NEURL1: variants seen among roughly 807,000 people sequenced by gnomAD.
NEURL1 encodes E3 ubiquitin-protein ligase NEURL1.
NEURL1 carries 26 observed loss-of-function variants against 41.2 expected under a neutral mutation model. The observed-to-expected ratio is 0.63, with a 90% CI of 0.46 to 0.87. NEURL1 has a LOEUF of 0.87. Ranked by LOEUF, NEURL1 falls within the 40% of genes least tolerant of loss-of-function variation. The pLI is 0.00. For missense variants in NEURL1, 761 were observed against 871.1 expected, an observed-to-expected ratio of 0.87 and a Z score of 1.59; for synonymous variants, 400 against 402.3, an observed-to-expected ratio of 0.99 and a Z score of 0.07.
intron 1 of NEURL1, among the ~76,000 whole-genome samples, chr10:103,544,703 G>A (rs2034891356): frequency 6.6e-6 from 1 of 152,206 alleles, no homozygotes; most frequent in African/African-American, 2.4e-5. Flanking sequence ...AGAGGGAATT[G>A]GGCTTGGCTA....
chr10:103,584,761 G>A lies in NEURL1; in HGVS notation c.875G>A (p.Gly292Asp). Reference sequence around the variant, plus strand: ...CGCGCGCTGCCGGCGCAGCTCGACGGCGACCTGCGTTTCCACGCCCTGCGC... The same window carrying A: ...CGCGCGCTGCCGGCGCAGCTCGACGACGACCTGCGTTTCCACGCCCTGCGC... ...HSRALPAQLD[G>D]DLRFHALRAG... Residue 292 changes from glycine to aspartate, a missense_variant, in exon 4 of 6, where the codon GGC (glycine) becomes GAC (aspartate). By Grantham distance (94) the Gly-to-Asp change is moderately conservative. Coordinates refer to ENST00000369780, the MANE Select transcript of NEURL1 (RefSeq NM_004210.5). 6.9e-7 allele frequency: 1 copy of A among 1,455,478 alleles called. No homozygotes were observed. The highest frequency in any genetic ancestry group is 9.0e-7 in the Non-Finnish European group (1 of 1,108,272). 90.2% of individuals were successfully genotyped at this position (1,455,478 alleles called of 1,614,324 possible).
chr10:103,548,615 G>A (rs1192371593), intron 1 of NEURL1, among the ~76,000 whole-genome samples: 2 of 152,242 alleles, frequency 1.3e-5, no homozygotes, highest in Non-Finnish European at 2.9e-5. Flanking sequence ...GAGCCACCAC[G>A]CCTGGCTGTA....
rs2035162613 is a variant in NEURL1 at position 103,556,689 on chromosome 10, G to A, written c.86-14183G>A. ...AATGAATTCCGTCCTGGGTTTGGAG[G>A]GCTAAGTGACAGATGGAAGGCCCTG... is the stretch of plus-strand genomic sequence containing the variant. On this transcript the variant is annotated intron_variant, in intron 1 of 5. Transcript: ENST00000369780. This position sits in a 1 kb window ranked among gnomAD's most constrained non-coding sequence, Gnocchi z 4.4. Among the ~76,000 whole-genome samples, 1 of 152,206 alleles carries A rather than the reference G, an allele frequency of 6.6e-6. No individual in the cohort carries two copies. Among genetic ancestry groups the A allele is most frequent in the Non-Finnish European group, 1.5e-5 (1 of 68,038 alleles).
intron 3 of NEURL1, among the ~76,000 whole-genome samples, chr10:103,579,802 C>T (rs923957322): frequency 4.6e-5 from 7 of 152,122 alleles, no homozygotes; most frequent in South Asian, 4.2e-4. Context: ...ATTAGCCAGG[C>T]GTGGTGGTGT....
chr10:103,542,631 T>G (rs1564815976), intron 1 of NEURL1, among the ~76,000 whole-genome samples: 2 of 152,186 alleles, frequency 1.3e-5, no homozygotes, highest in Non-Finnish European at 2.9e-5. Flanking sequence ...GCTGTTGTCT[T>G]GGGGTGGTGT....
chr10:103,536,638 G>A (rs1228376265), intron 1 of NEURL1, among the ~76,000 whole-genome samples: 2 of 152,058 alleles, frequency 1.3e-5, no homozygotes, highest in Non-Finnish European at 2.9e-5. Context: ...AGCACTAGCG[G>A]GTTCCAGTCT....
chr10:103,584,845 G>T lies in NEURL1; in HGVS notation c.959G>T (p.Arg320Leu). 7.1e-7 allele frequency: 1 copy of T among 1,408,240 alleles called. No individual in the cohort carries two copies. The highest frequency in any genetic ancestry group is 9.2e-7 in the Non-Finnish European group (1 of 1,090,560). 87.2% of individuals were successfully genotyped at this position (1,408,240 alleles called of 1,614,324 possible). ...EQTVARVEHG[R>L]DERALVFTSR... is the part of the protein sequence containing the mutation. The stretch of plus-strand genomic sequence containing the variant: ...ACGGTGGCGCGCGTGGAGCACGGGC[G>T]CGACGAGCGCGCGCTCGTCTTCACC... The change falls in exon 4 of 6, where the codon CGC (arginine) becomes CTC (leucine). Residue 320 changes from arginine to leucine, a missense_variant. Arg to Leu is a moderately radical substitution (Grantham distance 102). Coordinates refer to ENST00000369780, the MANE Select transcript of NEURL1 (RefSeq NM_004210.5).
chr10:103,558,166 C>A lies in NEURL1; in HGVS notation c.86-12706C>A. The A allele has an allele frequency of 1.0e-6, 1 of 985,410 alleles. No homozygotes were observed. The allele number at this position is 985,410 out of a possible 1,614,324, so 61.0% of individuals were successfully genotyped here. On this transcript the variant is annotated intron_variant, in intron 1 of 5. Coordinates refer to ENST00000369780, the MANE Select transcript of NEURL1 (RefSeq NM_004210.5). This position sits in a 1 kb window ranked among gnomAD's most constrained non-coding sequence, Gnocchi z 4.2. Reference sequence around the variant, plus strand: ...GTGCTGGGTTTACAGGTGTGAGCCACCGCGCTTGGCTGATTGTATTTTCTT... The same window carrying A: ...GTGCTGGGTTTACAGGTGTGAGCCAACGCGCTTGGCTGATTGTATTTTCTT...
intron 1 of NEURL1, among the ~76,000 whole-genome samples, chr10:103,503,883 G>A (rs1387069444): frequency 9.8e-5 from 13 of 132,442 alleles, no homozygotes; most frequent in South Asian, 2.7e-4. Flanking sequence ...CTCACCCCCC[G>A]GGCTCAATGG....
At chr10:103,583,359 G>A (rs1181086178) in intron 3 of NEURL1, among the ~76,000 whole-genome samples, 1 of 152,086 alleles carries the variant, frequency 6.6e-6, no homozygotes, top group Admixed American at 6.5e-5. Context: ...TCAAAGTGAT[G>A]TAGTACATAT....
intron 1 of NEURL1, among the ~76,000 whole-genome samples, chr10:103,547,480 G>T (rs2034946503): frequency 6.6e-6 from 1 of 152,244 alleles, no homozygotes; most frequent in Non-Finnish European, 1.5e-5. Flanking sequence ...AGCAGAAGTG[G>T]AGGCCAAGTC....
At chr10:103,560,821 G>T (rs191735862) in intron 1 of NEURL1, among the ~76,000 whole-genome samples, 3 of 152,364 alleles carry the variant, frequency 2.0e-5, no homozygotes, top group African/African-American at 7.2e-5. Flanking sequence ...CCTTGGGCAA[G>T]TTATTGCCTC....
intron 1 of NEURL1, among the ~76,000 whole-genome samples, chr10:103,544,085 C>A (rs1220748389): frequency 1.3e-5 from 2 of 152,070 alleles, no homozygotes; most frequent in Non-Finnish European, 2.9e-5. Flanking sequence ...GGCAGCCCTG[C>A]AGAGGGGGAC....
At chr10:103,584,175 T>C (rs1592242089) in intron 3 of NEURL1, among the ~76,000 whole-genome samples, 1 of 152,312 alleles carries the variant, frequency 6.6e-6, no homozygotes, top group Non-Finnish European at 1.5e-5. Flanking sequence ...CTGTTCTAGC[T>C]GCTAGGGATA....
At chr10:103,501,885 C>T (rs1458220594) in intron 1 of NEURL1, among the ~76,000 whole-genome samples, 3 of 152,214 alleles carry the variant, frequency 2.0e-5, no homozygotes, top group South Asian at 2.1e-4. Flanking sequence ...CTGCCCGTCT[C>T]GGCCTCCCAA....
intron 1 of NEURL1, among the ~76,000 whole-genome samples, chr10:103,525,458 A>G (rs1000426272): frequency 8.0e-5 from 12 of 149,798 alleles, no homozygotes; most frequent in Non-Finnish European, 1.2e-4. Context: ...GGTTCAAGCC[A>G]TTCTCCTGCC....
chr10:103,526,882 T>C (rs2034470288), intron 1 of NEURL1, among the ~76,000 whole-genome samples: 1 of 152,060 alleles, frequency 6.6e-6, no homozygotes, highest in African/African-American at 2.4e-5. Context: ...TGTGTATAGT[T>C]GTTTGTAATA....
intron 1 of NEURL1, among the ~76,000 whole-genome samples, chr10:103,533,400 A>T (rs1372591486): frequency 1.5e-5 from 2 of 137,168 alleles, no homozygotes. Flanking sequence ...ATGGAGTTTC[A>T]CTCTTGTTGC....
In NEURL1 at chr10:103,590,446, T is replaced by C; in HGVS notation, c.*74T>C. 7.8e-7 allele frequency: 1 copy of C among 1,281,310 alleles called. No homozygotes were observed. Among genetic ancestry groups the C allele is most frequent in the East Asian group, 2.3e-5 (1 of 42,908 alleles). 79.4% of individuals were successfully genotyped at this position (1,281,310 alleles called of 1,614,324 possible). A position where few individuals can be genotyped will look rare whatever the true frequency, so the allele number is the denominator to read the frequency against. On this transcript the variant is annotated 3_prime_UTR_variant, in exon 6 of 6. Transcript: ENST00000369780. The stretch of plus-strand genomic sequence containing the variant: ...CAGTCCCAGCTGAGGAACAAGCCAG[T>C]GGGGCCCCTTCTCTTCCTCATTTTG...
Sources: gnomAD v4.1 joint callset for allele counts (sites outside exome capture counted in the v4.1 genomes callset) on GRCh38, gnomAD v4.1.1 for gene constraint, Gnocchi (gnomAD v3.1) non-coding constraint, MANE v1.5 for transcripts, NCBI Gene and HGNC (gene_info 2026-07-23, HGNC 2026-07-21) for gene names.